KCTD1: variants seen among roughly 807,000 people sequenced by gnomAD.
KCTD1 encodes the protein BTB/POZ domain-containing protein KCTD1.
Under a neutral mutation model 66.0 loss-of-function variants are expected in KCTD1, and 24 were observed. The ratio of observed to expected loss-of-function variants is 0.36; its 90% CI spans 0.26 to 0.51. The LOEUF is 0.51. Ranked by LOEUF, KCTD1 falls within the 20% of genes least tolerant of loss-of-function variation. The probability of loss-of-function intolerance (pLI) is 0.95; values close to 1 mark genes in which losing one functional copy is unlikely to be tolerated. For synonymous variants in KCTD1, 511 were observed against 517.2 expected, an observed-to-expected ratio of 0.99 and a Z score of 0.16; for missense variants, 943 against 1,205.2, an observed-to-expected ratio of 0.78 and a Z score of 3.22.
At chr18:26,656,072 G>T (rs936526041) in intron 1 of KCTD1, among the ~76,000 whole-genome samples, 6 of 152,192 alleles carry the variant, frequency 3.9e-5, no homozygotes, top group Non-Finnish European at 7.3e-5. Flanking sequence ...GGCGGAGGAG[G>T]AAAGAGGTCA....
chr18:26,560,705 T>C (rs561104998), intron 1 of KCTD1, among the ~76,000 whole-genome samples: 11 of 152,386 alleles, frequency 7.2e-5, no homozygotes, highest in Admixed American at 2.6e-4. Flanking sequence ...CAAAATGTTC[T>C]GTATATGTAC....
At chr18:26,498,595 T>G (rs377320516) in intron 2 of KCTD1, among the ~76,000 whole-genome samples, 4 of 151,974 alleles carry the variant, frequency 2.6e-5, no homozygotes, top group African/African-American at 7.3e-5. Flanking sequence ...TACATTTTTT[T>G]GGTACTAGGT....
At chr18:26,559,729 G>A (rs10454720) in intron 1 of KCTD1, among the ~76,000 whole-genome samples, 76,050 of 152,016 alleles carry the variant, frequency 0.5, 19,250 homozygotes, top group Non-Finnish European at 0.53. Flanking sequence ...GCCTGAAGCA[G>A]AGTAGACTCA....
At position 26,496,768 on chromosome 18, in the gene KCTD1, G is replaced by A. The variant is rs181876961; in HGVS notation, c.1988+4304C>T. ...CACACACACACACACACACACACAC[G>A]CATTGGAACCACTGGTAACCTTGGT... On this transcript the variant is annotated intron_variant, in intron 2 of 4. Coordinates refer to ENST00000580059, the MANE Select transcript of KCTD1 (RefSeq NM_001142730.3). Among the ~76,000 whole-genome samples the A allele has an allele frequency of 5.9e-3, 771 of 129,874 alleles. 16 individuals are homozygous for A. The highest frequency in any genetic ancestry group is 0.055 in the East Asian group (260 of 4,750). The allele number at this position is 129,874 out of a possible 152,430, so 85.2% of individuals were successfully genotyped here. A position where few individuals can be genotyped will look rare whatever the true frequency, so the allele number is the denominator to read the frequency against.
At position 26,511,958 on chromosome 18, in the gene KCTD1, T is replaced by C. The variant is rs187845382; in HGVS notation, c.1810-10708A>G. ...TTCACTCCCCCAACTCTTAGTTCCA[T>C]GTGCATTTAGCAGGACACATCGGCC... On this transcript the variant is annotated intron_variant, in intron 1 of 4. Transcript: ENST00000580059. Among the ~76,000 whole-genome samples the C allele has an allele frequency of 1.0e-3, 152 of 152,356 alleles. 1 individual carries two copies. The highest frequency in any genetic ancestry group is 3.5e-3 in the African/African-American group (147 of 41,588).
chr18:26,557,787 C>T (rs1985742493), intron 1 of KCTD1, among the ~76,000 whole-genome samples: 1 of 152,184 alleles, frequency 6.6e-6, no homozygotes. Context: ...CACACACATA[C>T]ACACACCAAT....
At chr18:26,627,509 G>T (rs566146298) in intron 1 of KCTD1, among the ~76,000 whole-genome samples, 13 of 152,192 alleles carry the variant, frequency 8.5e-5, no homozygotes, top group African/African-American at 3.1e-4. Context: ...TGACAATATA[G>T]TTCAATTGTG....
intron 2 of KCTD1, among the ~76,000 whole-genome samples, chr18:26,482,671 C>T (rs1401237649): frequency 1.3e-5 from 2 of 152,190 alleles, no homozygotes; most frequent in African/African-American, 4.8e-5. Context: ...CCCCATGCCA[C>T]CTCATGAACC....
At chr18:26,501,392 G>T in intron 1 of KCTD1, 142 bp from the exon 2 acceptor site, 1 of 691,132 alleles carries the variant, frequency 1.4e-6, no homozygotes, top group Non-Finnish European at 2.3e-6. Context: ...TCTTGCTTTT[G>T]TTATAATGAA....
At chr18:26,479,882 A>G (rs1981545274) in intron 2 of KCTD1, among the ~76,000 whole-genome samples, 1 of 152,176 alleles carries the variant, frequency 6.6e-6, no homozygotes. Context: ...TCTTGTGGAC[A>G]TGTGAATGGA....
intron 1 of KCTD1, among the ~76,000 whole-genome samples, chr18:26,652,161 T>C (rs1466684471): frequency 1.3e-5 from 2 of 152,192 alleles, no homozygotes; most frequent in African/African-American, 4.8e-5. Flanking sequence ...TTGGGGTTGA[T>C]TGATACTACT....
At chr18:26,516,127 A>G (rs1326448845) in intron 1 of KCTD1, among the ~76,000 whole-genome samples, 2 of 152,154 alleles carry the variant, frequency 1.3e-5, no homozygotes, top group Non-Finnish European at 2.9e-5. Flanking sequence ...AAGTGAGGAA[A>G]GGACAGTGGT....
At chr18:26,529,999 A>G (rs1002288132) in intron 1 of KCTD1, among the ~76,000 whole-genome samples, 9 of 152,208 alleles carry the variant, frequency 5.9e-5, no homozygotes, top group African/African-American at 2.2e-4. Flanking sequence ...ACAGACAAGG[A>G]TCCAGGCCTG....
chr18:26,505,963 C>T lies in KCTD1; in HGVS notation c.1810-4713G>A, dbSNP rs938777203. Among the ~76,000 whole-genome samples the T allele has an allele frequency of 2.6e-5, 4 of 152,082 alleles. No homozygotes were observed. In the East Asian group the frequency reaches 5.8e-4, roughly 22 times the overall value. On this transcript the variant is annotated intron_variant, in intron 1 of 4. Coordinates refer to ENST00000580059, the MANE Select transcript of KCTD1 (RefSeq NM_001142730.3). ...TGATCTCAGCTCAGTGCAGCTTCCG[C>T]TTCCCAGGTTCAAGCAATTTTCATG...
chr18:26,597,661 T>G (rs1474582032), intron 1 of KCTD1, among the ~76,000 whole-genome samples: 2 of 138,186 alleles, frequency 1.4e-5, no homozygotes, highest in Non-Finnish European at 3.1e-5. Context: ...TCTTGGTGTT[T>G]TTTTTTTTTT....
intron 1 of KCTD1, among the ~76,000 whole-genome samples, chr18:26,646,879 G>A (rs190597638): frequency 2.5e-4 from 38 of 152,156 alleles, no homozygotes; most frequent in Non-Finnish European, 4.6e-4. Flanking sequence ...GAACACAAAG[G>A]TTTAATGGGA....
intron 1 of KCTD1, among the ~76,000 whole-genome samples, chr18:26,601,338 A>T (rs2144970659): frequency 6.6e-6 from 1 of 151,326 alleles, no homozygotes; most frequent in Non-Finnish European, 1.5e-5. Context: ...AAAAAAAAAA[A>T]AAAAAAAAAA....
intron 2 of KCTD1, among the ~76,000 whole-genome samples, chr18:26,478,278 T>C (rs530666699): frequency 3.9e-5 from 6 of 152,208 alleles, no homozygotes; most frequent in Non-Finnish European, 7.3e-5. Flanking sequence ...ATTTTAAAGA[T>C]GAAGAAATAG....
chr18:26,520,570 C>T (rs764036764), intron 1 of KCTD1, among the ~76,000 whole-genome samples: 1 of 150,762 alleles, frequency 6.6e-6, no homozygotes, highest in Non-Finnish European at 1.5e-5. Context: ...TTAATTCACA[C>T]ATATTTCTGA....
Sources: allele counts gnomAD v4.1 joint callset (sites outside exome capture counted in the v4.1 genomes callset), GRCh38; gene constraint gnomAD v4.1.1; transcripts MANE v1.5; gene names NCBI Gene and HGNC (gene_info 2026-07-23, HGNC 2026-07-21).